Variants in SLC25A29 observed in about 807,000 individuals in gnomAD.
SLC25A29 encodes solute carrier family 25 member 29.
A neutral mutation model predicts 10.0 loss-of-function variants in SLC25A29; 13 were observed. That is an observed-to-expected ratio of 1.30 (90% CI 0.85 to 2.07). SLC25A29 has a LOEUF of 2.07. Ranked by LOEUF, SLC25A29 falls within the 30% of genes most tolerant of loss-of-function variation. SLC25A29 has a pLI of 0.00. For missense variants in SLC25A29, 475 were observed against 447.6 expected, an observed-to-expected ratio of 1.06 and a Z score of -0.55; for synonymous variants, 244 against 221.1, an observed-to-expected ratio of 1.10 and a Z score of -0.92.
the SLC25A29 span, chr14:100,279,377 G>A: frequency 6.6e-6 from 1 of 152,250 alleles, no homozygotes; most frequent in African/African-American, 2.4e-5. Flanking sequence ...TGTACAGGAG[G>A]ATTGGTGACC....
intron 2 of SLC25A29, 89 bp from the exon 3 acceptor site, chr14:100,293,466 T>TCC: frequency 8.2e-7 from 1 of 1,225,038 alleles, no homozygotes; most frequent in Non-Finnish European, 1.2e-6. Flanking sequence ...TAGGAGGGTC[T>TCC]CCCAAGGAGG....
chr14:100,287,224 G>A (rs1891560901), downstream of SLC25A29, among the ~76,000 whole-genome samples: 2 of 152,224 alleles, frequency 1.3e-5, no homozygotes, highest in Admixed American at 1.3e-4. Flanking sequence ...GGGATCAAAA[G>A]AAAAGGGAAG....
At position 100,300,013 on chromosome 14, in the gene SLC25A29, G is replaced by A. The variant is rs939285473; in HGVS notation, c.35-1128C>T. The A allele has an allele frequency of 3.5e-5, 34 of 980,028 alleles. 1 individual carries two copies. The South Asian group carries it at 7.1e-4, about 20-fold the overall frequency. 60.7% of individuals were successfully genotyped at this position (980,028 alleles called of 1,614,324 possible). On this transcript the variant is annotated intron_variant, in intron 1 of 3. Coordinates refer to ENST00000359232, the MANE Select transcript of SLC25A29 (RefSeq NM_001039355.3). The stretch of plus-strand genomic sequence containing the variant: ...TGGCCAGGTGTGGTGGCTCACGCCT[G>A]TAATCCCAGCACTTTGGGAGGCCAA...
At position 100,306,416 on chromosome 14, in the gene SLC25A29, G is replaced by A; in HGVS notation, c.-184C>T. On this transcript the variant is annotated 5_prime_UTR_variant, in exon 1 of 4. Coordinates refer to ENST00000359232, the MANE Select transcript of SLC25A29 (RefSeq NM_001039355.3). ...GGATGGCGGCAGCAGCTAGACCCGCGCTGGTCCCTCGGCGGCAGCTGACTC... is the reference window on the plus strand; with the variant it reads ...GGATGGCGGCAGCAGCTAGACCCGCACTGGTCCCTCGGCGGCAGCTGACTC... The A allele has an allele frequency of 2.3e-6, 1 of 437,982 alleles. No individual in the cohort carries two copies. The highest frequency in any genetic ancestry group is 3.7e-6 in the Non-Finnish European group (1 of 272,572). 27.1% of individuals were successfully genotyped at this position (437,982 alleles called of 1,614,324 possible).
At chr14:100,284,096 C>T in the SLC25A29 span, among the ~76,000 whole-genome samples, 1 of 152,120 alleles carries the variant, frequency 6.6e-6, no homozygotes, top group African/African-American at 2.4e-5. Context: ...CCAAACCACC[C>T]TTTGATGAAT....
At position 100,291,545 on chromosome 14, in the gene SLC25A29, G is replaced by A. The variant is rs1891694549; in HGVS notation, c.*738C>T. On this transcript the variant is annotated 3_prime_UTR_variant, in exon 4 of 4. Coordinates refer to ENST00000359232, the MANE Select transcript of SLC25A29 (RefSeq NM_001039355.3). ...GGCAGCCTGAGGCCCAGAGGCGGAA[G>A]GATTTCTCCTTGCCACAGCTGCATC... 1 of 152,322 alleles carries A rather than the reference G, an allele frequency of 6.6e-6. No homozygotes were observed. The highest frequency in any genetic ancestry group is 2.4e-5 in the African/African-American group (1 of 41,434). The allele number at this position is 152,322 out of a possible 1,614,324, so 9.4% of individuals were successfully genotyped here.
the SLC25A29 span, among the ~76,000 whole-genome samples, chr14:100,285,049 G>GGC: frequency 6.7e-6 from 1 of 149,424 alleles, no homozygotes; most frequent in African/African-American, 2.5e-5. Flanking sequence ...AAAAGCGGGG[G>GGC]GGGGCGGGGT....
intron 2 of SLC25A29, chr14:100,295,360 A>C: frequency 3.1e-6 from 1 of 326,286 alleles, no homozygotes; most frequent in South Asian, 2.5e-5. Context: ...GAACGGACCC[A>C]CCCCTGGGAA....
At chr14:100,297,524 C>T (rs1462197856) in intron 2 of SLC25A29, among the ~76,000 whole-genome samples, 1 of 152,246 alleles carries the variant, frequency 6.6e-6, no homozygotes, top group Non-Finnish European at 1.5e-5. Flanking sequence ...CACATGACCA[C>T]GAGACATAAA....
At chr14:100,295,640 G>T (rs879313430) in intron 2 of SLC25A29, 51 of 1,289,358 alleles carry the variant, frequency 4.0e-5, no homozygotes, top group Non-Finnish European at 4.8e-5. Flanking sequence ...GCTCTCCAGG[G>T]TGAGGCTTAC....
At chr14:100,303,666 G>C (rs1436067644) in intron 1 of SLC25A29, among the ~76,000 whole-genome samples, 1 of 152,182 alleles carries the variant, frequency 6.6e-6, no homozygotes, top group Non-Finnish European at 1.5e-5. Flanking sequence ...CTGAGCGCAC[G>C]AGGAGGCCTC....
At position 100,296,212 on chromosome 14, in the gene SLC25A29, C is replaced by T. The variant is rs1458947055; in HGVS notation, c.78+2630G>A. The T allele has an allele frequency of 8.2e-6, 3 of 366,726 alleles. No homozygotes were observed. The Admixed American group carries it at 1.1e-4, about 14-fold the overall frequency. The allele number at this position is 366,726 out of a possible 1,614,324, so 22.7% of individuals were successfully genotyped here. A position where few individuals can be genotyped will look rare whatever the true frequency, so the allele number is the denominator to read the frequency against. ...GCCAAGGCAGGAGGATCACTTGAGC[C>T]CAGTAGTTTGAGACCAGCTGGGCAA... On this transcript the variant is annotated intron_variant, in intron 2 of 3. Transcript: ENST00000359232.
chr14:100,297,641 G>T (rs1273246284), intron 2 of SLC25A29, among the ~76,000 whole-genome samples: 1 of 152,236 alleles, frequency 6.6e-6, no homozygotes, highest in Non-Finnish European at 1.5e-5. Flanking sequence ...GGGGCCGGGG[G>T]CTGTGTGGGC....
chr14:100,285,449 CTGGGCCGCGTCCGCTG>C, the SLC25A29 span, among the ~76,000 whole-genome samples: 3 of 151,664 alleles, frequency 2.0e-5, no homozygotes, highest in African/African-American at 4.8e-5. Context: ...GGCCCCGGGG[CTGGGCCGCGTCCGCTG>C]TGGGGAGGGG....
At chr14:100,279,412 G>A in the SLC25A29 span, 1 of 152,242 alleles carries the variant, frequency 6.6e-6, no homozygotes, top group African/African-American at 2.4e-5. Flanking sequence ...CTGTGGCTCT[G>A]TGGAATTTTG....
At chr14:100,282,532 T>C in the SLC25A29 span, 1 of 152,330 alleles carries the variant, frequency 6.6e-6, no homozygotes, top group African/African-American at 2.4e-5. Context: ...TTCTGGTAAC[T>C]TCTGTAGGCC....
chr14:100,280,678 A>C, the SLC25A29 span: 1 of 152,122 alleles, frequency 6.6e-6, no homozygotes, highest in Admixed American at 6.5e-5. Context: ...AGACCCTTTC[A>C]CAGGATAGTG....
At chr14:100,285,614 C>A in the SLC25A29 span, among the ~76,000 whole-genome samples, 2 of 152,196 alleles carry the variant, frequency 1.3e-5, no homozygotes, top group African/African-American at 4.8e-5. Context: ...GAGCCCAGGG[C>A]CACGGGGGCG....
At chr14:100,289,835 CA>C (rs56694140), downstream of SLC25A29, among the ~76,000 whole-genome samples, 39 of 96,548 alleles carry the variant, frequency 4.0e-4, no homozygotes, top group Admixed American at 1.4e-3. Flanking sequence ...GAGCAAGACT[CA>C]AAAAAAAAAA....
Sources: allele counts gnomAD v4.1 joint callset (sites outside exome capture counted in the v4.1 genomes callset), GRCh38; gene constraint gnomAD v4.1.1; transcripts MANE v1.5; gene names NCBI Gene and HGNC (gene_info 2026-07-23, HGNC 2026-07-21).